The following ZFHX3 variants were observed in gnomAD, a reference collection of about 807,000 sequenced individuals.
ZFHX3 encodes the protein zinc finger homeobox 3.
In ZFHX3, 42 loss-of-function variants were observed where a neutral mutation model predicts 279.1. The observed-to-expected ratio is 0.15, with a 90% CI of 0.12 to 0.19. The LOEUF is 0.19. Ranked by LOEUF, ZFHX3 falls within the 10% of genes least tolerant of loss-of-function variation. The pLI is 1.00. For missense variants in ZFHX3, 4,981 were observed against 4,754.0 expected (o/e 1.05, Z -1.40); for synonymous variants, 2,293 against 1,957.8 (o/e 1.17, Z -4.52).
At chr16:73,176,509 A>G (rs1038911889) in intron 5 of ZFHX3, among the ~76,000 whole-genome samples, 2 of 152,138 alleles carry the variant, frequency 1.3e-5, no homozygotes, top group Non-Finnish European at 2.9e-5. Context: ...GTCCTCATGC[A>G]TCTCTCTTTC....
intron 1 of ZFHX3, among the ~76,000 whole-genome samples, chr16:73,026,281 G>A (rs1223925897): frequency 6.7e-6 from 1 of 149,898 alleles, no homozygotes; most frequent in African/African-American, 2.5e-5. Flanking sequence ...GCTGAGGCAG[G>A]AGAACTGCTT....
At chr16:73,788,751 G>GATAT (rs1597116306) in intron 1 of ZFHX3, among the ~76,000 whole-genome samples, 1 of 150,864 alleles carries the variant, frequency 6.6e-6, no homozygotes, top group Non-Finnish European at 1.5e-5. Context: ...TCTATATATA[G>GATAT]ATCATGAGGT....
intron 3 of ZFHX3, among the ~76,000 whole-genome samples, chr16:72,898,137 G>C (rs936488145): frequency 7.9e-5 from 12 of 152,264 alleles, no homozygotes; most frequent in East Asian, 1.9e-4. Flanking sequence ...AAATATATAT[G>C]TATATTCTGT....
chr16:73,394,552 C>T (rs961306546), intron 3 of ZFHX3, among the ~76,000 whole-genome samples: 7 of 152,154 alleles, frequency 4.6e-5, no homozygotes, highest in African/African-American at 1.7e-4. Flanking sequence ...CTGCCTCGGC[C>T]TCCCAAAGTG....
chr16:73,126,645 G>A (rs897173551), intron 7 of ZFHX3: 2 of 152,218 alleles, frequency 1.3e-5, no homozygotes, highest in African/African-American at 2.4e-5. Flanking sequence ...AGTCAGTTGC[G>A]AAATAGCAAT....
chr16:73,320,289 T>C (rs1335046996), intron 3 of ZFHX3, among the ~76,000 whole-genome samples: 1 of 152,242 alleles, frequency 6.6e-6, no homozygotes, highest in East Asian at 1.9e-4. Context: ...ATGAACCTGC[T>C]GTACCTTGGC....
In ZFHX3 at chr16:72,975,730, G is replaced by A. The variant is rs547000780; in HGVS notation, c.-49-15536C>T. ...CTCACACTTCCTTAACCTTCCAGAA[G>A]CCACCCAGAGAACCAAGTGACTGTG... On this transcript the variant is annotated intron_variant, in intron 1 of 9. Transcript: ENST00000268489. 7.8e-4 allele frequency among the ~76,000 whole-genome samples: 119 copies of A among 152,256 alleles called. 1 individual carries two copies. The highest frequency in any genetic ancestry group is 2.5e-3 in the Admixed American group (39 of 15,302).
At chr16:73,542,775 C>T (rs908872497) in intron 2 of ZFHX3, among the ~76,000 whole-genome samples, 1 of 151,540 alleles carries the variant, frequency 6.6e-6, no homozygotes, top group Non-Finnish European at 1.5e-5. Context: ...CATACTCATA[C>T]TAAAAAAAAA....
At chr16:73,168,418 AG>A (rs1967444307) in intron 5 of ZFHX3, among the ~76,000 whole-genome samples, 1 of 151,916 alleles carries the variant, frequency 6.6e-6, no homozygotes, top group African/African-American at 2.4e-5. Flanking sequence ...TGCCTGGCTA[AG>A]TTAAAACTTG....
At chr16:73,546,632 T>C (rs1008325168) in intron 2 of ZFHX3, among the ~76,000 whole-genome samples, 1 of 151,918 alleles carries the variant, frequency 6.6e-6, no homozygotes, top group East Asian at 1.9e-4. Context: ...GGGTCCTCGC[T>C]TTAAGCCATG....
At chr16:73,742,817 G>A (rs2053671252) in intron 1 of ZFHX3, among the ~76,000 whole-genome samples, 1 of 151,978 alleles carries the variant, frequency 6.6e-6, no homozygotes, top group South Asian at 2.1e-4. Flanking sequence ...TGTTGCCTAG[G>A]GTATACACCT....
intron 5 of ZFHX3, among the ~76,000 whole-genome samples, chr16:72,813,509 G>A (rs1294312047): frequency 2.0e-5 from 3 of 152,200 alleles, no homozygotes; most frequent in Non-Finnish European, 2.9e-5. Context: ...CCAGGAAGTT[G>A]ATGCTCTTCC....
chr16:72,890,076 TC>T, intron 3 of ZFHX3, 114 bp from the exon 4 acceptor site: 1 of 881,608 alleles, frequency 1.1e-6, no homozygotes, highest in Non-Finnish European at 1.7e-6. Flanking sequence ...GGGACACATC[TC>T]CACAGCCAAA....
At chr16:73,555,091 G>A (rs902321966) in intron 2 of ZFHX3, among the ~76,000 whole-genome samples, 2 of 152,096 alleles carry the variant, frequency 1.3e-5, no homozygotes, top group East Asian at 1.9e-4. Flanking sequence ...TTTATGAAGG[G>A]AGCGGGAGGT....
chr16:73,699,465 GC>G (rs1250014589), intron 1 of ZFHX3, among the ~76,000 whole-genome samples: 14 of 152,176 alleles, frequency 9.2e-5, no homozygotes, highest in Middle Eastern at 3.4e-3. Context: ...ACTTTGAAAA[GC>G]TTTTCATATA....
intron 7 of ZFHX3, among the ~76,000 whole-genome samples, chr16:73,105,666 T>A (rs1966295063): frequency 6.6e-6 from 1 of 152,000 alleles, no homozygotes; most frequent in African/African-American, 2.4e-5. Context: ...GGCAGGAGAA[T>A]CACTTGATTC....
chr16:73,737,896 GTC>G (rs1433281100), intron 1 of ZFHX3, among the ~76,000 whole-genome samples: 1 of 152,188 alleles, frequency 6.6e-6, no homozygotes, highest in East Asian at 1.9e-4. Flanking sequence ...CAGTCAGGCT[GTC>G]AACAAGTTGA....
intron 3 of ZFHX3, among the ~76,000 whole-genome samples, chr16:72,941,298 A>C (rs1960398137): frequency 6.6e-6 from 1 of 152,258 alleles, no homozygotes; most frequent in African/African-American, 2.4e-5. Flanking sequence ...ATAAATAACA[A>C]AAACTGGATA....
intron 3 of ZFHX3, among the ~76,000 whole-genome samples, chr16:72,915,663 T>C (rs1362644639): frequency 6.6e-6 from 1 of 151,780 alleles, no homozygotes; most frequent in African/African-American, 2.4e-5. Flanking sequence ...CTCCGGAGGC[T>C]GAGGGAGGAG....
Sources: allele counts gnomAD v4.1 joint callset (sites outside exome capture counted in the v4.1 genomes callset), GRCh38; gene constraint gnomAD v4.1.1; transcripts MANE v1.5; gene names NCBI Gene and HGNC (gene_info 2026-07-23, HGNC 2026-07-21).